Variants in FER observed in about 807,000 individuals in gnomAD.
FER encodes FER tyrosine kinase.
FER carries 63 observed loss-of-function variants against 111.0 expected under a neutral mutation model. The observed-to-expected ratio is 0.57, with a 90% CI of 0.46 to 0.70. The LOEUF (loss-of-function observed/expected upper bound fraction) is 0.70. FER is among the 30% of genes least tolerant of loss of function. The probability of loss-of-function intolerance (pLI) is 0.00; values close to 1 mark genes in which losing one functional copy is unlikely to be tolerated. For synonymous variants in FER, 327 were observed against 313.9 expected, an observed-to-expected ratio of 1.04 and a Z score of -0.44; for missense variants, 914 against 954.0, an observed-to-expected ratio of 0.96 and a Z score of 0.55.
chr5:109,134,681 A>C (rs929786283), intron 17 of FER, among the ~76,000 whole-genome samples: 1 of 152,178 alleles, frequency 6.6e-6, no homozygotes, highest in Non-Finnish European at 1.5e-5. Context: ...CACTAAAACC[A>C]CTGAGAAGAG....
At chr5:108,917,836 T>C (rs1561612420) in intron 10 of FER, among the ~76,000 whole-genome samples, 1 of 152,212 alleles carries the variant, frequency 6.6e-6, no homozygotes, top group African/African-American at 2.4e-5. Flanking sequence ...AATCAGGCTT[T>C]TGTTTTAAAT....
At chr5:108,944,556 AT>A (rs1756716187) in intron 10 of FER, among the ~76,000 whole-genome samples, 1 of 152,162 alleles carries the variant, frequency 6.6e-6, no homozygotes, top group Non-Finnish European at 1.5e-5. Context: ...AAAAGTAGCC[AT>A]TTGATTGTTT....
intron 13 of FER, among the ~76,000 whole-genome samples, chr5:109,017,446 C>T (rs1463891682): frequency 6.6e-6 from 1 of 151,890 alleles, no homozygotes; most frequent in Non-Finnish European, 1.5e-5. Flanking sequence ...CTCATGATTG[C>T]TGCAGAAATA....
At chr5:109,142,639 A>G (rs1753652017) in intron 17 of FER, among the ~76,000 whole-genome samples, 2 of 152,180 alleles carry the variant, frequency 1.3e-5, no homozygotes, top group Admixed American at 1.3e-4. Context: ...GAGCATATAC[A>G]GTATATGGTA....
intron 2 of FER, among the ~76,000 whole-genome samples, chr5:108,780,310 A>G (rs968953802): frequency 6.6e-6 from 1 of 151,342 alleles, no homozygotes; most frequent in Admixed American, 6.6e-5. Context: ...CTCAATATTT[A>G]TGTTTGAGAA....
intron 10 of FER, among the ~76,000 whole-genome samples, chr5:108,920,076 T>A (rs921117911): frequency 5.9e-5 from 9 of 152,120 alleles, no homozygotes; most frequent in Non-Finnish European, 1.2e-4. Context: ...TTATTATAGA[T>A]ATTTTAGTTC....
chr5:109,044,251 T>C (rs1177488272), intron 14 of FER, among the ~76,000 whole-genome samples: 2 of 151,880 alleles, frequency 1.3e-5, no homozygotes, highest in Admixed American at 6.6e-5. Flanking sequence ...CAATCTCTGT[T>C]CACTGCAAGC....
intron 16 of FER, among the ~76,000 whole-genome samples, chr5:109,082,937 T>C (rs1450792484): frequency 1.3e-5 from 2 of 151,914 alleles, no homozygotes; most frequent in African/African-American, 4.8e-5. Flanking sequence ...CTATTCTAAA[T>C]GCTAAGCAAG....
intron 17 of FER, among the ~76,000 whole-genome samples, chr5:109,160,284 G>A (rs371521731): frequency 3.3e-5 from 5 of 152,098 alleles, no homozygotes; most frequent in Admixed American, 6.6e-5. Flanking sequence ...TGAATCAAAC[G>A]ACAGGGATGA....
In FER at chr5:109,189,655, T is replaced by A. The variant is rs193087631; in HGVS notation, c.*2080T>A. 1 of 151,950 alleles carries A rather than the reference T, an allele frequency of 6.6e-6. No homozygotes were observed. The highest frequency in any genetic ancestry group is 1.5e-5 in the Non-Finnish European group (1 of 67,970). 9.4% of individuals were successfully genotyped at this position (151,950 alleles called of 1,614,324 possible). A position where few individuals can be genotyped will look rare whatever the true frequency, so the allele number is the denominator to read the frequency against. ...AGAGTAAAATGGGATATTCCTACCC[T>A]TTTTTTTAGTATTTCTAAGTGAATC... On this transcript the variant is annotated 3_prime_UTR_variant, in exon 20 of 20. Coordinates refer to ENST00000281092, the MANE Select transcript of FER (RefSeq NM_005246.4).
intron 2 of FER, among the ~76,000 whole-genome samples, chr5:108,790,235 C>CCACACACACACACACACA (rs66805209): frequency 3.0e-4 from 43 of 145,202 alleles, no homozygotes; most frequent in Middle Eastern, 3.5e-3. Flanking sequence ...TGCATACACA[C>CCACACACACACACACACA]CACACACACA....
chr5:108,800,446 G>A (rs146962122), intron 3 of FER, among the ~76,000 whole-genome samples: 2 of 152,094 alleles, frequency 1.3e-5, no homozygotes, highest in Non-Finnish European at 2.9e-5. Flanking sequence ...GACCACCCAG[G>A]CTCAAGCAAT....
At chr5:108,814,072 G>A (rs751536060) in intron 3 of FER, among the ~76,000 whole-genome samples, 1 of 149,132 alleles carries the variant, frequency 6.7e-6, no homozygotes, top group Non-Finnish European at 1.5e-5. Context: ...CTAGTTTTGT[G>A]AATATATGGA....
intron 18 of FER, among the ~76,000 whole-genome samples, chr5:109,183,013 G>A (rs1010190993): frequency 6.6e-6 from 1 of 152,110 alleles, no homozygotes; most frequent in Non-Finnish European, 1.5e-5. Context: ...AGTCTCTGAA[G>A]ATCCTTGATC....
At chr5:108,801,291 G>C (rs1756614049) in intron 3 of FER, among the ~76,000 whole-genome samples, 1 of 152,080 alleles carries the variant, frequency 6.6e-6, no homozygotes, top group Non-Finnish European at 1.5e-5. Context: ...TTGCATCTTT[G>C]TTTAAAATCA....
intron 13 of FER, among the ~76,000 whole-genome samples, chr5:108,988,368 A>G (rs1762807502): frequency 6.6e-6 from 1 of 152,084 alleles, no homozygotes; most frequent in Non-Finnish European, 1.5e-5. Context: ...ATTGGTACCA[A>G]TTCTTCTTTG....
Position 108,998,416 on chromosome 5 carries a change from C to T in FER, c.1657-39006C>T, listed in dbSNP as rs1426873003. Among the ~76,000 whole-genome samples, 3 of 152,196 alleles carry T rather than the reference C, an allele frequency of 2.0e-5. No homozygotes were observed. The East Asian group carries it at 5.8e-4, about 29-fold the overall frequency. On this transcript the variant is annotated intron_variant, in intron 13 of 19. Transcript: ENST00000281092. ...CAGGGGAGGGAAATTCGCTAACACC[C>T]CTTGTGCTTCCTGGGTGAGGCGACA...
chr5:108,830,264 G>A (rs1759900148), intron 3 of FER, among the ~76,000 whole-genome samples: 1 of 152,074 alleles, frequency 6.6e-6, no homozygotes, highest in Non-Finnish European at 1.5e-5. Context: ...GACCAGCCTG[G>A]GCAAAATGAC....
Position 109,187,664 on chromosome 5 carries a change from A to G in FER, c.*89A>G. The stretch of plus-strand genomic sequence containing the variant: ...CTCATTAACAATGAATTTATACCAC[A>G]TTACCTTCGACAGTCTTCTACCATT... On this transcript the variant is annotated 3_prime_UTR_variant, in exon 20 of 20. Coordinates refer to ENST00000281092, the MANE Select transcript of FER (RefSeq NM_005246.4). The G allele has an allele frequency of 1.4e-6, 2 of 1,417,004 alleles. No individual in the cohort carries two copies. Among genetic ancestry groups the G allele is most frequent in the South Asian group, 2.5e-5 (2 of 80,266 alleles). 87.8% of individuals were successfully genotyped at this position (1,417,004 alleles called of 1,614,324 possible).
Sources: allele counts gnomAD v4.1 joint callset (sites outside exome capture counted in the v4.1 genomes callset), GRCh38; gene constraint gnomAD v4.1.1; transcripts MANE v1.5; gene names NCBI Gene and HGNC (gene_info 2026-07-23, HGNC 2026-07-21).